The following LEKR1 variants were observed in gnomAD, a reference collection of about 807,000 sequenced individuals.
LEKR1 encodes leucine, glutamate and lysine rich 1.
LEKR1 carries 59 observed loss-of-function variants against 72.4 expected under a neutral mutation model. That is an observed-to-expected ratio of 0.82 (90% CI 0.66 to 1.01). The LOEUF is 1.01. Ranked by LOEUF, LEKR1 falls within the 50% of genes least tolerant of loss-of-function variation. The pLI, the probability that LEKR1 is intolerant of heterozygous loss-of-function variation, is 0.00. For synonymous variants in LEKR1, 257 were observed against 263.2 expected (o/e 0.98, Z 0.23); for missense variants, 728 against 759.2 (o/e 0.96, Z 0.48).
chr3:156,921,319 G>A (rs1724173199), intron 4 of LEKR1, among the ~76,000 whole-genome samples: 1 of 152,054 alleles, frequency 6.6e-6, no homozygotes, highest in South Asian at 2.1e-4. Context: ...CATGGCAAAT[G>A]ACACAGGTTC....
At chr3:156,998,087 G>A (rs1731725714) in intron 9 of LEKR1, among the ~76,000 whole-genome samples, 1 of 151,906 alleles carries the variant, frequency 6.6e-6, no homozygotes, top group African/African-American at 2.4e-5. Flanking sequence ...AGAGAAAAGT[G>A]TGGCCATTTT....
chr3:156,922,644 C>A (rs577058667), intron 4 of LEKR1, among the ~76,000 whole-genome samples: 2 of 152,284 alleles, frequency 1.3e-5, no homozygotes, highest in Admixed American at 1.3e-4. Flanking sequence ...TCATTTCCAG[C>A]CTGTGTCTTG....
Position 156,829,306 on chromosome 3 carries a change from T to G in LEKR1, c.-24T>G. On this transcript the variant is annotated 5_prime_UTR_variant, in exon 2 of 13. Coordinates refer to ENST00000356539, the MANE Select transcript of LEKR1 (RefSeq NM_001004316.3). ...CTTAGATTTCCTTTGGCTTCAAAGC[T>G]CTCTCACCATATTTTGGGAAGTTAT... The G allele has an allele frequency of 1.1e-5, 17 of 1,500,894 alleles. No individual in the cohort carries two copies. Among genetic ancestry groups the G allele is most frequent in the African/African-American group, 1.4e-5 (1 of 72,294 alleles). The allele number at this position is 1,500,894 out of a possible 1,614,324, so 93.0% of individuals were successfully genotyped here.
In LEKR1 at chr3:156,933,659, A is replaced by G. The variant is rs560657533; in HGVS notation, c.559+6055A>G. On this transcript the variant is annotated intron_variant, in intron 5 of 12. Coordinates refer to ENST00000356539, the MANE Select transcript of LEKR1 (RefSeq NM_001004316.3). Reference sequence around the variant, plus strand: ...TAGAATTGGAGAGACATCAGCTCTAATGTTTTTGTTTACATTTGTGTTGCA... The same window carrying G: ...TAGAATTGGAGAGACATCAGCTCTAGTGTTTTTGTTTACATTTGTGTTGCA... Among the ~76,000 whole-genome samples the G allele has an allele frequency of 2.6e-5, 4 of 152,252 alleles. No homozygotes were observed. The South Asian group carries it at 8.3e-4, about 32-fold the overall frequency.
intron 3 of LEKR1, among the ~76,000 whole-genome samples, chr3:156,906,383 G>T (rs999032147): frequency 2.2e-4 from 33 of 152,078 alleles, no homozygotes; most frequent in African/African-American, 7.2e-4. Flanking sequence ...TGTTCTCATG[G>T]TTGCATTGGC....
At chr3:157,026,617 A>G (rs1193266586) in intron 11 of LEKR1, among the ~76,000 whole-genome samples, 1 of 152,186 alleles carries the variant, frequency 6.6e-6, no homozygotes, top group Non-Finnish European at 1.5e-5. Flanking sequence ...GAGACTTCTC[A>G]CACAAGTTAT....
At chr3:156,929,924 G>T (rs1725052315) in intron 5 of LEKR1, among the ~76,000 whole-genome samples, 1 of 152,112 alleles carries the variant, frequency 6.6e-6, no homozygotes, top group African/African-American at 2.4e-5. Context: ...AAAAAGGCAA[G>T]ATTGACTTTT....
At chr3:156,958,050 T>TC (rs1727806469) in intron 6 of LEKR1, among the ~76,000 whole-genome samples, 1 of 152,192 alleles carries the variant, frequency 6.6e-6, no homozygotes, top group African/African-American at 2.4e-5. Context: ...TGAAATCATT[T>TC]AAAATTAATA....
intron 3 of LEKR1, among the ~76,000 whole-genome samples, chr3:156,870,092 G>C (rs538388540): frequency 2.6e-5 from 4 of 152,066 alleles, no homozygotes; most frequent in African/African-American, 9.7e-5. Flanking sequence ...ATTGCATGTT[G>C]TTTTAATTAC....
intron 5 of LEKR1, among the ~76,000 whole-genome samples, chr3:156,937,664 G>A (rs1038138546): frequency 5.9e-5 from 9 of 152,128 alleles, no homozygotes; most frequent in Non-Finnish European, 1.3e-4. Flanking sequence ...TTGCACTCTT[G>A]AGCATTTATC....
At chr3:157,017,498 C>T (rs1733440519) in intron 10 of LEKR1, 1 of 152,274 alleles carries the variant, frequency 6.6e-6, no homozygotes, top group Admixed American at 6.5e-5. Context: ...AGAGGATGAC[C>T]TTCCTTGATA....
chr3:156,840,365 T>C (rs780223042), intron 2 of LEKR1, among the ~76,000 whole-genome samples: 18 of 152,252 alleles, frequency 1.2e-4, no homozygotes, highest in Non-Finnish European at 2.6e-4. Context: ...TTCTCTTCCC[T>C]GTTAGTTCAC....
chr3:157,024,738 G>A, intron 10 of LEKR1, 22 bp from the exon 11 acceptor site: 1 of 1,577,262 alleles, frequency 6.3e-7, no homozygotes, highest in Non-Finnish European at 8.6e-7. Context: ...AGTTTTACAT[G>A]TGCTTTAAAT....
At chr3:157,013,144 A>G (rs1449513828) in intron 10 of LEKR1, among the ~76,000 whole-genome samples, 1 of 152,152 alleles carries the variant, frequency 6.6e-6, no homozygotes, top group Non-Finnish European at 1.5e-5. Flanking sequence ...CCTTTGATTC[A>G]GAAATTTTAC....
chr3:156,966,917 G>A (rs749810463), intron 6 of LEKR1, among the ~76,000 whole-genome samples: 16 of 152,138 alleles, frequency 1.1e-4, no homozygotes, highest in Admixed American at 2.0e-4. Flanking sequence ...CCAGGTACTC[G>A]TCTGAGACAA....
chr3:156,998,289 AT>A (rs1731739119), intron 9 of LEKR1, among the ~76,000 whole-genome samples: 1 of 152,148 alleles, frequency 6.6e-6, no homozygotes, highest in African/African-American at 2.4e-5. Context: ...CTATAGTAAA[AT>A]ATGTCTTAAA....
chr3:156,887,504 T>C (rs1720229844), intron 3 of LEKR1, among the ~76,000 whole-genome samples: 1 of 152,236 alleles, frequency 6.6e-6, no homozygotes. Flanking sequence ...TGAACTGTTA[T>C]GTAGATGTTT....
intron 3 of LEKR1, chr3:156,888,337 C>G: frequency 1.4e-6 from 1 of 702,314 alleles, no homozygotes; most frequent in Non-Finnish European, 2.6e-6. Context: ...GGAAGTAGAA[C>G]ATTGCCAGCT....
chr3:156,925,528 A>T (rs1287076627), intron 4 of LEKR1, among the ~76,000 whole-genome samples: 2 of 152,002 alleles, frequency 1.3e-5, no homozygotes, highest in Admixed American at 1.3e-4. Context: ...TTCATCTCTT[A>T]GCAACTGTTT....
Sources: allele counts gnomAD v4.1 joint callset (sites outside exome capture counted in the v4.1 genomes callset), GRCh38; gene constraint gnomAD v4.1.1; transcripts MANE v1.5; gene names NCBI Gene and HGNC (gene_info 2026-07-23, HGNC 2026-07-21).